Variants in RNF152 observed in about 807,000 individuals in gnomAD.
RNF152 encodes the protein E3 ubiquitin-protein ligase RNF152.
In RNF152, 11 loss-of-function variants were observed where a neutral mutation model predicts 12.7. That is an observed-to-expected ratio of 0.86 (90% CI 0.54 to 1.43). The LOEUF is 1.43. RNF152 is among the 40% of genes most tolerant of loss of function. The pLI is 0.00. For missense variants in RNF152, 255 were observed against 274.8 expected, an observed-to-expected ratio of 0.93 and a Z score of 0.51; for synonymous variants, 113 against 120.3, an observed-to-expected ratio of 0.94 and a Z score of 0.40.
At position 61,846,149 on chromosome 18, in the gene RNF152, T is replaced by C. The variant is rs1599290577; in HGVS notation, c.-135-29551A>G. Among the ~76,000 whole-genome samples, 3 of 152,296 alleles carry C rather than the reference T, an allele frequency of 2.0e-5. 1 individual carries two copies. The East Asian group carries it at 5.8e-4, about 29-fold the overall frequency. On this transcript the variant is annotated intron_variant, in intron 1 of 1. Coordinates refer to ENST00000312828, the MANE Select transcript of RNF152 (RefSeq NM_173557.3). ...TTCTGTTGTTATAAGCCACCCAGTC[T>C]ATGGTATTATATTATAGCACCTGAA... is the stretch of plus-strand genomic sequence containing the variant.
At chr18:61,828,356 A>T (rs185490538) in intron 1 of RNF152, among the ~76,000 whole-genome samples, 2 of 152,248 alleles carry the variant, frequency 1.3e-5, no homozygotes, top group East Asian at 3.9e-4. Context: ...GCCTCAAGCA[A>T]TCTTCCTGCC....
In RNF152 at chr18:61,815,946, A is replaced by T; in HGVS notation, c.518T>A (p.Ile173Asn). ...SSTWSGVCTV[I>N]LVACVLVFLL... is the part of the protein sequence containing the mutation. ...GAAGACCAAGACGCAAGCCACCAAG[A>T]TGACAGTGCACACCCCCGACCAGGT... Residue 173 changes from isoleucine to asparagine, a missense_variant, in exon 2 of 2, where the codon ATC becomes AAC. Coordinates refer to ENST00000312828, the MANE Select transcript of RNF152 (RefSeq NM_173557.3). 6.2e-7 allele frequency: 1 copy of T among 1,614,190 alleles called. No individual in the cohort carries two copies. The highest frequency in any genetic ancestry group is 8.5e-7 in the Non-Finnish European group (1 of 1,180,024).
At chr18:61,835,504 G>C (rs1259066719) in intron 1 of RNF152, among the ~76,000 whole-genome samples, 1 of 152,104 alleles carries the variant, frequency 6.6e-6, no homozygotes, top group African/African-American at 2.4e-5. Flanking sequence ...TGAATAAGGA[G>C]GCAGGTGGGA....
chr18:61,817,874 C>T (rs4941063), intron 1 of RNF152, among the ~76,000 whole-genome samples: 9 of 152,082 alleles, frequency 5.9e-5, no homozygotes, highest in Non-Finnish European at 1.2e-4. Flanking sequence ...GACTCAGTTT[C>T]CCATTGAAAG....
intron 1 of RNF152, among the ~76,000 whole-genome samples, chr18:61,869,114 G>A (rs556015059): frequency 2.0e-5 from 3 of 152,278 alleles, no homozygotes; most frequent in Admixed American, 1.3e-4. Flanking sequence ...AATTTCCTAA[G>A]TTCACCATGT....
intron 1 of RNF152, among the ~76,000 whole-genome samples, chr18:61,858,106 C>T (rs145404380): frequency 6.6e-6 from 1 of 152,290 alleles, no homozygotes; most frequent in East Asian, 1.9e-4. Context: ...AACCCTCTAC[C>T]CCAATTTCCA....
At chr18:61,853,279 G>C (rs1398873348) in intron 1 of RNF152, among the ~76,000 whole-genome samples, 1 of 147,696 alleles carries the variant, frequency 6.8e-6, no homozygotes, top group African/African-American at 2.5e-5. Flanking sequence ...TCTAACGGGA[G>C]AATCTGGTTC....
chr18:61,816,546 G>A lies in RNF152; in HGVS notation c.-83C>T, dbSNP rs1909106456. The A allele has an allele frequency of 1.3e-6, 2 of 1,486,684 alleles. No individual in the cohort carries two copies. Among genetic ancestry groups the A allele is most frequent in the Admixed American group, 2.1e-5 (1 of 48,154 alleles). The allele number at this position is 1,486,684 out of a possible 1,614,324, so 92.1% of individuals were successfully genotyped here. Reference sequence around the variant, plus strand: ...GAGGCCACCGCCCTGTGTCTTTGCAGTGCAGGTAATGGCAAGCTCACAGGC... The same window carrying A: ...GAGGCCACCGCCCTGTGTCTTTGCAATGCAGGTAATGGCAAGCTCACAGGC... On this transcript the variant is annotated 5_prime_UTR_variant, in exon 2 of 2. Coordinates refer to ENST00000312828, the MANE Select transcript of RNF152 (RefSeq NM_173557.3).
In RNF152 at chr18:61,810,974, A is replaced by G. The variant is rs1017285033; in HGVS notation, c.*4878T>C. On this transcript the variant is annotated 3_prime_UTR_variant, in exon 2 of 2. Coordinates refer to ENST00000312828, the MANE Select transcript of RNF152 (RefSeq NM_173557.3). ...AGATAGAAATTGAAGTCTTTTGTGTATCACTCCTTTTGCACCGATAACTTT... is the reference window on the plus strand; with the variant it reads ...AGATAGAAATTGAAGTCTTTTGTGTGTCACTCCTTTTGCACCGATAACTTT... The G allele has an allele frequency of 2.6e-5, 4 of 152,002 alleles. No individual in the cohort carries two copies. Among genetic ancestry groups the G allele is most frequent in the Admixed American group, 6.6e-5 (1 of 15,252 alleles). The allele number at this position is 152,002 out of a possible 1,614,324, so 9.4% of individuals were successfully genotyped here. A position where few individuals can be genotyped will look rare whatever the true frequency, so the allele number is the denominator to read the frequency against.
chr18:61,852,893 T>C (rs2144697814), intron 1 of RNF152, among the ~76,000 whole-genome samples: 1 of 152,340 alleles, frequency 6.6e-6, no homozygotes, highest in Non-Finnish European at 1.5e-5. Context: ...ATAACATGGA[T>C]TTAACATTTT....
intron 1 of RNF152, among the ~76,000 whole-genome samples, chr18:61,829,780 G>A (rs1909852222): frequency 6.6e-6 from 1 of 152,110 alleles, no homozygotes; most frequent in Non-Finnish European, 1.5e-5. Flanking sequence ...TTCTTATGTT[G>A]TGAGAAGAAG....
chr18:61,884,879 A>G (rs1912619033), intron 1 of RNF152, among the ~76,000 whole-genome samples: 1 of 152,210 alleles, frequency 6.6e-6, no homozygotes, highest in Non-Finnish European at 1.5e-5. Flanking sequence ...CATTTAATGA[A>G]TGCAATTGTT....
chr18:61,858,081 C>G (rs1397768474), intron 1 of RNF152, among the ~76,000 whole-genome samples: 2 of 152,218 alleles, frequency 1.3e-5, no homozygotes, highest in Non-Finnish European at 1.5e-5. Flanking sequence ...AAATCTCCCT[C>G]TGCAGCCACA....
chr18:61,839,152 A>G (rs1910328085), intron 1 of RNF152, among the ~76,000 whole-genome samples: 1 of 152,000 alleles, frequency 6.6e-6, no homozygotes, highest in Admixed American at 6.6e-5. Flanking sequence ...TGCTCCAAGT[A>G]TTTTCTACAT....
chr18:61,827,534 CA>C (rs1330807319), intron 1 of RNF152, among the ~76,000 whole-genome samples: 1 of 152,128 alleles, frequency 6.6e-6, no homozygotes, highest in African/African-American at 2.4e-5. Context: ...TCAAATTACC[CA>C]GAGAACATTC....
chr18:61,886,271 T>C (rs1398976976), intron 1 of RNF152, among the ~76,000 whole-genome samples: 1 of 152,200 alleles, frequency 6.6e-6, no homozygotes. Flanking sequence ...TAAATCACTG[T>C]AAGTCAAAAT....
intron 1 of RNF152, among the ~76,000 whole-genome samples, chr18:61,885,260 T>C (rs1300695880): frequency 6.6e-6 from 1 of 152,192 alleles, no homozygotes; most frequent in Non-Finnish European, 1.5e-5. Context: ...AATACTTGGT[T>C]CCTGAGACAC....
At chr18:61,860,134 C>T (rs1449702316) in intron 1 of RNF152, among the ~76,000 whole-genome samples, 1 of 152,090 alleles carries the variant, frequency 6.6e-6, no homozygotes, top group Non-Finnish European at 1.5e-5. Flanking sequence ...GCACGAGAAG[C>T]TGGGGAAGGG....
rs373230699 is a variant in RNF152, at chr18:61,814,398, G to C, written c.*1454C>G. 4 of 152,264 alleles carry C rather than the reference G, an allele frequency of 2.6e-5. No homozygotes were observed. The East Asian group carries it at 5.8e-4, about 22-fold the overall frequency. 9.4% of individuals were successfully genotyped at this position (152,264 alleles called of 1,614,324 possible). On this transcript the variant is annotated 3_prime_UTR_variant, in exon 2 of 2. Transcript: ENST00000312828. The stretch of plus-strand genomic sequence containing the variant: ...GTGGAGTCCTTGTCACATACCACTT[G>C]CTTCATGAATTCCATAAAAGAAGTT...
Sources: gnomAD v4.1 joint callset for allele counts (sites outside exome capture counted in the v4.1 genomes callset) on GRCh38, gnomAD v4.1.1 for gene constraint, MANE v1.5 for transcripts, NCBI Gene and HGNC (gene_info 2026-07-23, HGNC 2026-07-21) for gene names.